HEG1: variants seen among roughly 807,000 people sequenced by gnomAD.
HEG1 encodes the protein heart development protein with EGF like domains 1, also known as protein HEG homolog 1.
A neutral mutation model predicts 125.6 loss-of-function variants in HEG1; 56 were observed. The observed-to-expected ratio is 0.45, with a 90% confidence interval of 0.36 to 0.56. The LOEUF is 0.56. HEG1 is among the 20% of genes least tolerant of loss of function. The pLI is 0.00. For missense variants in HEG1, 1,523 were observed against 1,670.0 expected, an observed-to-expected ratio of 0.91 and a Z score of 1.53; for synonymous variants, 644 against 668.5, an observed-to-expected ratio of 0.96 and a Z score of 0.57.
At chr3:125,014,620 G>T in intron 5 of HEG1, 1 of 1,075,282 alleles carries the variant, frequency 9.3e-7, no homozygotes, top group Non-Finnish European at 1.2e-6. Context: ...GCACTTTCTG[G>T]CTTGACAGCT....
At chr3:125,041,820 A>T (rs926537650) in intron 1 of HEG1, among the ~76,000 whole-genome samples, 4 of 152,236 alleles carry the variant, frequency 2.6e-5, no homozygotes, top group Admixed American at 1.3e-4. Flanking sequence ...CCCTAAAAAC[A>T]TGATGGTAAG....
intron 1 of HEG1, among the ~76,000 whole-genome samples, chr3:125,052,433 T>C (rs1369814868): frequency 1.3e-5 from 2 of 152,138 alleles, no homozygotes; most frequent in Non-Finnish European, 2.9e-5. Context: ...GAGCTGCATT[T>C]TTCTAAGATT....
intron 11 of HEG1, among the ~76,000 whole-genome samples, chr3:125,000,504 C>T (rs1377176335): frequency 6.6e-6 from 1 of 152,094 alleles, no homozygotes; most frequent in Non-Finnish European, 1.5e-5. Flanking sequence ...AAAGTAAAAC[C>T]ATAGAGTCTC....
chr3:125,028,841 C>T (rs1038556634), intron 2 of HEG1, among the ~76,000 whole-genome samples: 1 of 152,160 alleles, frequency 6.6e-6, no homozygotes, highest in East Asian at 1.9e-4. Context: ...CAAGAACAAC[C>T]GTTTGGGCCA....
chr3:124,970,454 A>C lies in HEG1; in HGVS notation c.*198T>G. ...ACATTCACGTTCACAGTAACAACAA[A>C]GGTGCTGAATGAGCAGCCTGTGGTT... On this transcript the variant is annotated 3_prime_UTR_variant, in exon 17 of 17. Coordinates refer to ENST00000311127, the MANE Select transcript of HEG1 (RefSeq NM_020733.2). 4 of 575,284 alleles carry C rather than the reference A, an allele frequency of 7.0e-6. No individual in the cohort carries two copies. Among genetic ancestry groups the C allele is most frequent in the Non-Finnish European group, 9.3e-6 (3 of 322,150 alleles). The allele number at this position is 575,284 out of a possible 1,614,324, so 35.6% of individuals were successfully genotyped here. A position where few individuals can be genotyped will look rare whatever the true frequency, so the allele number is the denominator to read the frequency against.
chr3:125,014,006 C>A lies in HEG1; in HGVS notation c.1589-16G>T, dbSNP rs767365333. The A allele has an allele frequency of 7.0e-6, 11 of 1,571,620 alleles. No individual in the cohort carries two copies. Among genetic ancestry groups the A allele is most frequent in the African/African-American group, 6.8e-5 (5 of 73,136 alleles). Reference sequence around the variant, plus strand: ...ATCCCAGCGACTGTAAACGGAAAAGCCAAAGTTAGGTCAAATAAAAGAACA... The same window carrying A: ...ATCCCAGCGACTGTAAACGGAAAAGACAAAGTTAGGTCAAATAAAAGAACA... On this transcript the variant is annotated splice_polypyrimidine_tract_variant and intron_variant, in intron 5 of 16. Coordinates refer to ENST00000311127, the MANE Select transcript of HEG1 (RefSeq NM_020733.2).
rs1189883068 is a variant in HEG1 at position 125,013,581 on chromosome 3, G to A, written c.1998C>T (p.Ser666=). Reference sequence around the variant, plus strand: ...GAGGCCCTGAAGAAGAAGAAGAGGAGGAGGAGGAAGAGGAGGAGGAGGAGT... The same window carrying A: ...GAGGCCCTGAAGAAGAAGAAGAGGAAGAGGAGGAAGAGGAGGAGGAGGAGT... ...VSDSSSSSSS[S]SSSSSSGPPL... is the part of the protein sequence containing the mutation. The change falls in exon 6 of 17, where the codon TCC becomes TCT. Residue 666 remains serine (S), a synonymous_variant. Transcript: ENST00000311127. 2 of 1,596,688 alleles carry A rather than the reference G, an allele frequency of 1.3e-6. No individual in the cohort carries two copies. Among genetic ancestry groups the A allele is most frequent in the South Asian group, 1.1e-5 (1 of 89,000 alleles).
intron 14 of HEG1, among the ~76,000 whole-genome samples, chr3:124,986,931 C>A (rs1936748786): frequency 1.3e-5 from 2 of 152,196 alleles, no homozygotes; most frequent in South Asian, 4.1e-4. Context: ...TTACCAGTGC[C>A]ACTTAGAATA....
intron 5 of HEG1, among the ~76,000 whole-genome samples, chr3:125,015,617 G>A (rs1937233673): frequency 6.6e-6 from 1 of 152,164 alleles, no homozygotes; most frequent in Admixed American, 6.5e-5. Flanking sequence ...GACGACACAT[G>A]AATAAATGTC....
At chr3:125,037,786 G>C (rs1937560963) in intron 1 of HEG1, among the ~76,000 whole-genome samples, 1 of 152,182 alleles carries the variant, frequency 6.6e-6, no homozygotes, top group Admixed American at 6.5e-5. Flanking sequence ...GAGGCAGTGG[G>C]GGAATACACA....
chr3:124,976,201 T>A (rs1001577156), intron 15 of HEG1, among the ~76,000 whole-genome samples: 1 of 152,172 alleles, frequency 6.6e-6, no homozygotes, highest in African/African-American at 2.4e-5. Flanking sequence ...TGTTTTGTTT[T>A]GTTTGAGACG....
At chr3:124,998,306 G>A (rs1936954185) in intron 11 of HEG1, among the ~76,000 whole-genome samples, 1 of 152,222 alleles carries the variant, frequency 6.6e-6, no homozygotes, top group Admixed American at 6.5e-5. Flanking sequence ...CTGTGTGTCT[G>A]CATGGCCTAA....
At chr3:125,047,851 TG>T (rs1406569859) in intron 1 of HEG1, among the ~76,000 whole-genome samples, 2 of 152,218 alleles carry the variant, frequency 1.3e-5, no homozygotes, top group African/African-American at 2.4e-5. Context: ...AGTTCCAAGG[TG>T]GAACTGCAGG....
rs1056790634 is a variant in HEG1 at position 124,968,517 on chromosome 3, G to A, written c.*2135C>T. The A allele has an allele frequency of 8.5e-5, 13 of 152,242 alleles. No individual in the cohort carries two copies. The highest frequency in any genetic ancestry group is 2.4e-5 in the African/African-American group (1 of 41,454). 9.4% of individuals were successfully genotyped at this position (152,242 alleles called of 1,614,324 possible). On this transcript the variant is annotated 3_prime_UTR_variant, in exon 17 of 17. Transcript: ENST00000311127. ...ACTCACAGGACACCGTTTTCTCGAT[G>A]TTGGGATTCTTCCCAAGAATGTTTT... is the stretch of plus-strand genomic sequence containing the variant.
rs1271982190 is a variant in HEG1 at position 124,969,433 on chromosome 3, T to C, written c.*1219A>G. 1 of 152,352 alleles carries C rather than the reference T, an allele frequency of 6.6e-6. No individual in the cohort carries two copies. The highest frequency in any genetic ancestry group is 2.4e-5 in the African/African-American group (1 of 41,578). 9.4% of individuals were successfully genotyped at this position (152,352 alleles called of 1,614,324 possible). A position where few individuals can be genotyped will look rare whatever the true frequency, so the allele number is the denominator to read the frequency against. On this transcript the variant is annotated 3_prime_UTR_variant, in exon 17 of 17. Transcript: ENST00000311127. ...TTCTGGAGGGTGCGACATAGCCATA[T>C]GAAGAGGTACAAATGACTGGGTGAG...
Position 124,970,790 on chromosome 3 carries a change from T to C in HEG1, c.4008A>G (p.Val1336=). The change falls in exon 17 of 17, where the codon GTA becomes GTG. Residue 1336 remains valine (V), a synonymous_variant. Coordinates refer to ENST00000311127, the MANE Select transcript of HEG1 (RefSeq NM_020733.2). ...MTDVYYSPTS[V]RNPELERNGL... ...CGTTTCGTTCAAGTTCTGGATTCCT[T>C]ACACTTGTAGGCTGGTTGCCAAAGA... 6.2e-7 allele frequency: 1 copy of C among 1,609,346 alleles called. No individual in the cohort carries two copies. Among genetic ancestry groups the C allele is most frequent in the Non-Finnish European group, 8.5e-7 (1 of 1,177,894 alleles).
chr3:124,990,727 T>G (rs1430642939), intron 14 of HEG1, 60 bp downstream of exon 14: 1 of 1,478,102 alleles, frequency 6.8e-7, no homozygotes, highest in Non-Finnish European at 9.2e-7. Context: ...CTGACACCTG[T>G]GCACTAACAA....
chr3:125,046,365 A>G (rs1486977576), intron 1 of HEG1, among the ~76,000 whole-genome samples: 1 of 147,944 alleles, frequency 6.8e-6, no homozygotes, highest in Non-Finnish European at 1.5e-5. Flanking sequence ...TTCTTTTTTC[A>G]TATATATGTA....
chr3:125,003,385 T>A lies in HEG1; in HGVS notation c.3298-1070A>T, dbSNP rs141089130. 1.4e-4 allele frequency among the ~76,000 whole-genome samples: 21 copies of A among 152,308 alleles called. No homozygotes were observed. The East Asian group carries it at 3.9e-3, about 28-fold the overall frequency. On this transcript the variant is annotated intron_variant, in intron 9 of 16. Transcript: ENST00000311127. ...CCCTGTATTATCTTAGCAGGAGATA[T>A]CCACCTGCAGCACGACCAACAGGCA...
Sources: gnomAD v4.1 joint callset for allele counts (sites outside exome capture counted in the v4.1 genomes callset) on GRCh38, gnomAD v4.1.1 for gene constraint, MANE v1.5 for transcripts, NCBI Gene and HGNC (gene_info 2026-07-23, HGNC 2026-07-21) for gene names.